Variants in MTCL3 observed in about 807,000 individuals in gnomAD.
MTCL3 encodes microtubule cross-linking factor 3.
At chr6:127,508,574 T>G in the MTCL3 span, among the ~76,000 whole-genome samples, 1 of 152,192 alleles carries the variant, frequency 6.6e-6, no homozygotes, top group Admixed American at 6.5e-5. Context: ...CTGGGAAAAG[T>G]TAAGAAAATT....
At chr6:127,495,514 G>T in the MTCL3 span, among the ~76,000 whole-genome samples, 1 of 152,140 alleles carries the variant, frequency 6.6e-6, no homozygotes, top group Admixed American at 6.5e-5. Context: ...TTAATGCAGT[G>T]AAATTAGCAA....
chr6:127,515,688 G>A, the MTCL3 span: 1 of 1,547,742 alleles, frequency 6.5e-7, no homozygotes, highest in African/African-American at 1.4e-5. The surrounding 1 kb of genome is among the most constrained non-coding windows in gnomAD (Gnocchi z 4.3). Flanking sequence ...CCGCCATTGG[G>A]GAGGCGGAGG....
chr6:127,502,270 T>C, the MTCL3 span, among the ~76,000 whole-genome samples: 25 of 152,368 alleles, frequency 1.6e-4, no homozygotes, highest in African/African-American at 6.0e-4. Context: ...CTTCTTTCTC[T>C]GCTACTCTGT....
the MTCL3 span, chr6:127,473,152 A>G: frequency 6.5e-6 from 8 of 1,235,536 alleles, no homozygotes; most frequent in Non-Finnish European, 8.2e-6. Context: ...TTTTAAAGAA[A>G]TAAGCAGTCT....
chr6:127,497,277 A>C, the MTCL3 span, among the ~76,000 whole-genome samples: 1 of 152,220 alleles, frequency 6.6e-6, no homozygotes, highest in Non-Finnish European at 1.5e-5. Context: ...TAAGTACTGC[A>C]CAGACAATAC....
chr6:127,482,008 C>T, the MTCL3 span, among the ~76,000 whole-genome samples: 2 of 152,228 alleles, frequency 1.3e-5, no homozygotes, highest in African/African-American at 4.8e-5. The surrounding 1 kb of genome is among the most constrained non-coding windows in gnomAD (Gnocchi z 4.1). Flanking sequence ...GCCATGACAA[C>T]ATCAGGAAGT....
At chr6:127,495,816 A>T in the MTCL3 span, among the ~76,000 whole-genome samples, 69 of 152,352 alleles carry the variant, frequency 4.5e-4, no homozygotes, top group African/African-American at 1.5e-3. Context: ...CAAATTTAAA[A>T]ATGTAAACCA....
chr6:127,491,874 GTC>G, the MTCL3 span, among the ~76,000 whole-genome samples: 9 of 106,294 alleles, frequency 8.5e-5, no homozygotes, highest in African/African-American at 2.0e-4. Context: ...GCAAGACCCT[GTC>G]TCAAAAAAAA....
the MTCL3 span, among the ~76,000 whole-genome samples, chr6:127,480,290 G>T: frequency 1.3e-5 from 2 of 152,252 alleles, no homozygotes; most frequent in East Asian, 1.9e-4. Context: ...GCACTAAAAA[G>T]AATAAGTAAT....
the MTCL3 span, among the ~76,000 whole-genome samples, chr6:127,498,761 T>TA: frequency 6.6e-6 from 1 of 152,176 alleles, no homozygotes; most frequent in South Asian, 2.1e-4. Context: ...GAATTACTGA[T>TA]ACACGCTACA....
chr6:127,516,844 T>C, the MTCL3 span: 5 of 693,044 alleles, frequency 7.2e-6, no homozygotes, highest in East Asian at 6.3e-5. Flanking sequence ...AGGAATAGGA[T>C]GGAGGGCTGT....
At chr6:127,515,586 C>A in the MTCL3 span, 2 of 1,438,370 alleles carry the variant, frequency 1.4e-6, no homozygotes, top group Non-Finnish European at 1.8e-6. This position sits in a 1 kb window ranked among gnomAD's most constrained non-coding sequence, Gnocchi z 4.3. Flanking sequence ...GGAGCTGCTG[C>A]GGGTGCGGCT....
At chr6:127,477,251 C>A in the MTCL3 span, among the ~76,000 whole-genome samples, 1 of 152,100 alleles carries the variant, frequency 6.6e-6, no homozygotes. Context: ...ATGGATAAAG[C>A]CTGGCAAAAG....
chr6:127,474,044 G>A, the MTCL3 span, among the ~76,000 whole-genome samples: 1 of 151,984 alleles, frequency 6.6e-6, no homozygotes. Flanking sequence ...CTCTGAATTA[G>A]TGTTGCCTTC....
chr6:127,491,628 G>T, the MTCL3 span, among the ~76,000 whole-genome samples: 2 of 152,066 alleles, frequency 1.3e-5, no homozygotes, highest in Admixed American at 6.6e-5. Context: ...AACAGAACCT[G>T]CAATATCTCT....
chr6:127,507,704 A>G, the MTCL3 span, among the ~76,000 whole-genome samples: 1 of 152,032 alleles, frequency 6.6e-6, no homozygotes, highest in Non-Finnish European at 1.5e-5. Context: ...TTAGCCGGGC[A>G]TAGTGGCGTG....
the MTCL3 span, among the ~76,000 whole-genome samples, chr6:127,479,778 A>C: frequency 6.6e-6 from 1 of 152,340 alleles, no homozygotes; most frequent in East Asian, 1.9e-4. Context: ...TTTTCAAGAT[A>C]CAAAATGTGC....
chr6:127,477,510 A>G, the MTCL3 span, among the ~76,000 whole-genome samples: 3 of 152,314 alleles, frequency 2.0e-5, no homozygotes, highest in Middle Eastern at 3.4e-3. Context: ...AAACAAAAAT[A>G]AAAATTCTTT....
the MTCL3 span, among the ~76,000 whole-genome samples, chr6:127,506,781 GTGTT>G: frequency 6.6e-6 from 1 of 151,828 alleles, no homozygotes; most frequent in South Asian, 2.1e-4. Context: ...GGGTTTCACC[GTGTT>G]AGCCAGGGTG....
Sources: gnomAD v4.1 joint callset for allele counts (sites outside exome capture counted in the v4.1 genomes callset) on GRCh38, gnomAD v4.1.1 for gene constraint, Gnocchi (gnomAD v3.1) non-coding constraint, MANE v1.5 for transcripts, NCBI Gene and HGNC (gene_info 2026-07-23, HGNC 2026-07-21) for gene names.